Variants in RANBP2 observed in about 807,000 individuals in gnomAD.
RANBP2 encodes E3 SUMO-protein ligase RanBP2.
RANBP2 carries 57 observed loss-of-function variants against 303.6 expected under a neutral mutation model. The observed-to-expected ratio is 0.19, with a 90% CI of 0.15 to 0.23. The LOEUF (loss-of-function observed/expected upper bound fraction) is 0.23. Ranked by LOEUF, RANBP2 falls within the 10% of genes least tolerant of loss-of-function variation. RANBP2 has a pLI of 1.00. For missense variants in RANBP2, 3,138 were observed against 3,780.8 expected, an observed-to-expected ratio of 0.83 and a Z score of 4.46; for synonymous variants, 1,167 against 1,301.5, an observed-to-expected ratio of 0.90 and a Z score of 2.23.
At chr2:109,130,522 G>A in the RANBP2 span, among the ~76,000 whole-genome samples, 1 of 152,184 alleles carries the variant, frequency 6.6e-6, no homozygotes, top group African/African-American at 2.4e-5. Flanking sequence ...TTCTGACAGG[G>A]CTCTGATGGC....
chr2:109,645,881 G>C, the RANBP2 span, among the ~76,000 whole-genome samples: 2 of 152,064 alleles, frequency 1.3e-5, no homozygotes, highest in African/African-American at 4.8e-5. Context: ...GGCTCTCAGG[G>C]GTGCGCCATT....
chr2:109,174,156 T>G, the RANBP2 span, among the ~76,000 whole-genome samples: 1 of 152,228 alleles, frequency 6.6e-6, no homozygotes, highest in Admixed American at 6.5e-5. Context: ...AACCAGAGGC[T>G]CCAGGATGTT....
the RANBP2 span, among the ~76,000 whole-genome samples, chr2:109,639,552 T>C: frequency 2.8e-4 from 43 of 151,702 alleles, no homozygotes; most frequent in African/African-American, 9.9e-4. Context: ...CCAGGAGGCG[T>C]TGGTTGCAGT....
the RANBP2 span, among the ~76,000 whole-genome samples, chr2:108,942,864 CG>C: frequency 5.3e-5 from 8 of 152,174 alleles, no homozygotes; most frequent in Non-Finnish European, 1.2e-4. Flanking sequence ...TAAGTTTGAG[CG>C]GGTAGGATTT....
chr2:108,798,658 T>G, the RANBP2 span: 5 of 1,188,720 alleles, frequency 4.2e-6, no homozygotes, highest in Non-Finnish European at 6.0e-6. Flanking sequence ...GTTACTAACA[T>G]TTTGTCACAT....
intron 17 of RANBP2, among the ~76,000 whole-genome samples, chr2:108,756,989 C>T (rs1453433284): frequency 6.6e-6 from 1 of 152,122 alleles, no homozygotes; most frequent in African/African-American, 2.4e-5. Flanking sequence ...TTTTATTTAG[C>T]TTGAAAATTG....
At chr2:109,394,925 T>TCC in the RANBP2 span, among the ~76,000 whole-genome samples, 1 of 152,224 alleles carries the variant, frequency 6.6e-6, no homozygotes, top group African/African-American at 2.4e-5. Flanking sequence ...GGAGCCGCCG[T>TCC]CCCGCACAGG....
chr2:108,868,801 G>T, the RANBP2 span, among the ~76,000 whole-genome samples: 1 of 151,792 alleles, frequency 6.6e-6, no homozygotes, highest in Admixed American at 6.6e-5. Flanking sequence ...AAAACTTGAA[G>T]AAAAAAAAGC....
intron 1 of RANBP2, 102 bp from the exon 2 acceptor site, chr2:108,729,030 G>A (rs565297768): frequency 2.2e-6 from 3 of 1,335,898 alleles, no homozygotes; most frequent in African/African-American, 1.5e-5. Flanking sequence ...GAATGAAAGT[G>A]GCGTATTTGA....
the RANBP2 span, among the ~76,000 whole-genome samples, chr2:109,039,809 T>G: frequency 6.6e-6 from 1 of 152,184 alleles, no homozygotes; most frequent in Non-Finnish European, 1.5e-5. Context: ...TGAGCTTTTT[T>G]TCTATTTGTT....
chr2:109,175,418 C>G, the RANBP2 span, among the ~76,000 whole-genome samples: 1 of 152,204 alleles, frequency 6.6e-6, no homozygotes, highest in Non-Finnish European at 1.5e-5. Flanking sequence ...TAAATGCAAA[C>G]TTTTTGGCAG....
the RANBP2 span, among the ~76,000 whole-genome samples, chr2:108,904,343 C>T: frequency 1.3e-5 from 2 of 152,116 alleles, no homozygotes; most frequent in African/African-American, 4.8e-5. Context: ...GAAACTAGAC[C>T]GTTCCCACAC....
the RANBP2 span, among the ~76,000 whole-genome samples, chr2:109,419,796 A>G: frequency 6.6e-6 from 1 of 152,084 alleles, no homozygotes; most frequent in Non-Finnish European, 1.5e-5. Context: ...CTGAAGGGAG[A>G]GTGTGGAAGA....
chr2:109,240,128 C>G, the RANBP2 span, among the ~76,000 whole-genome samples: 8 of 152,202 alleles, frequency 5.3e-5, no homozygotes, highest in Admixed American at 3.9e-4. Context: ...GGATTCTAGA[C>G]TTGGCACTGC....
chr2:109,315,493 G>A, the RANBP2 span, among the ~76,000 whole-genome samples: 1 of 152,248 alleles, frequency 6.6e-6, no homozygotes, highest in Non-Finnish European at 1.5e-5. Flanking sequence ...GTAAGGAACT[G>A]TCTCAGTATG....
the RANBP2 span, among the ~76,000 whole-genome samples, chr2:109,508,179 G>T: frequency 6.6e-6 from 1 of 152,076 alleles, no homozygotes; most frequent in Non-Finnish European, 1.5e-5. Flanking sequence ...CCTTCTCCAT[G>T]GGCCCAGCCA....
the RANBP2 span, among the ~76,000 whole-genome samples, chr2:108,965,750 G>A: frequency 6.6e-6 from 1 of 152,072 alleles, no homozygotes; most frequent in Non-Finnish European, 1.5e-5. Flanking sequence ...TCTGTGCATT[G>A]ATGTGGTGGT....
the RANBP2 span, among the ~76,000 whole-genome samples, chr2:109,354,791 C>T: frequency 5.9e-5 from 9 of 152,236 alleles, no homozygotes; most frequent in Admixed American, 6.5e-5. Context: ...TTCCTTCTCC[C>T]CAGGTGGAAG....
chr2:109,162,615 C>T, the RANBP2 span, among the ~76,000 whole-genome samples: 1 of 152,096 alleles, frequency 6.6e-6, no homozygotes, highest in African/African-American at 2.4e-5. Flanking sequence ...TTTGCTTAAT[C>T]CAGTCTATCA....
Sources: allele counts gnomAD v4.1 joint callset (sites outside exome capture counted in the v4.1 genomes callset), GRCh38; gene constraint gnomAD v4.1.1; transcripts MANE v1.5; gene names NCBI Gene and HGNC (gene_info 2026-07-23, HGNC 2026-07-21).